The following SLC22A14 variants were observed in gnomAD, a reference collection of about 807,000 sequenced individuals.
The protein encoded by SLC22A14 is solute carrier family 22 member 14.
Under a neutral mutation model 53.9 loss-of-function variants are expected in SLC22A14, and 50 were observed. That is an observed-to-expected ratio of 0.93 (90% CI 0.74 to 1.17). The LOEUF is 1.17. Among genes scored for constraint, SLC22A14 ranks in the 50% most tolerant of loss-of-function variants. The pLI is 0.00. For missense variants in SLC22A14, 671 were observed against 734.7 expected (o/e 0.91, Z 1.00); for synonymous variants, 312 against 303.0 (o/e 1.03, Z -0.31).
At chr3:38,314,945 G>C (rs752561222) in intron 8 of SLC22A14, among the ~76,000 whole-genome samples, 1 of 152,268 alleles carries the variant, frequency 6.6e-6, no homozygotes, top group Admixed American at 6.5e-5. Flanking sequence ...GGACTGGAAT[G>C]GGAGTAAGGC....
In SLC22A14 at chr3:38,315,699, C is replaced by T. The variant is rs768709295; in HGVS notation, c.1520C>T (p.Pro507Leu). The change falls in exon 9 of 11, where the codon CCC becomes CTC. Residue 507 changes from proline (P) to leucine (L), a missense_variant. Transcript: ENST00000448498. The part of the protein sequence containing the change: ...VFFLYTAELL[P>L]TVLRATGLGL... ...TTCCTCTACACCGCTGAGCTCCTCC[C>T]CACTGTGCTCAGGTATGGGGTCTGG... 2 of 1,613,762 alleles carry T rather than the reference C, an allele frequency of 1.2e-6. No individual in the cohort carries two copies. Among genetic ancestry groups the T allele is most frequent in the South Asian group, 2.2e-5 (2 of 91,080 alleles).
At chr3:38,283,516 G>A (rs1164863663) in intron 1 of SLC22A14, among the ~76,000 whole-genome samples, 1 of 152,130 alleles carries the variant, frequency 6.6e-6, no homozygotes, top group Non-Finnish European at 1.5e-5. Flanking sequence ...GCTCTGCTGG[G>A]CCTCCTGCAT....
chr3:38,315,486 G>A (rs1315395905), intron 8 of SLC22A14, 72 bp from the exon 9 acceptor site: 16 of 1,490,314 alleles, frequency 1.1e-5, no homozygotes, highest in Middle Eastern at 2.1e-4. Context: ...AGGTGGTGGG[G>A]AAGGCTGTTC....
intron 1 of SLC22A14, among the ~76,000 whole-genome samples, chr3:38,295,795 T>C (rs1704023070): frequency 6.6e-6 from 1 of 151,684 alleles, no homozygotes; most frequent in Non-Finnish European, 1.5e-5. Flanking sequence ...TGTCTCTCTC[T>C]CTGTCTGTCT....
At chr3:38,306,618 G>C in intron 2 of SLC22A14, 76 bp downstream of exon 2, 1 of 1,412,876 alleles carries the variant, frequency 7.1e-7, no homozygotes, top group Middle Eastern at 1.8e-4. Context: ...TGAATGGGTG[G>C]GGAAACCGAA....
chr3:38,279,793 C>CT (rs1162654019), upstream of SLC22A14, among the ~76,000 whole-genome samples: 46 of 152,230 alleles, frequency 3.0e-4, no homozygotes, highest in Middle Eastern at 3.4e-3. Flanking sequence ...GGTTGTGTAT[C>CT]TCCTTGATTT....
At chr3:38,304,839 T>C (rs1208396472) in intron 1 of SLC22A14, among the ~76,000 whole-genome samples, 1 of 152,248 alleles carries the variant, frequency 6.6e-6, no homozygotes, top group African/African-American at 2.4e-5. Context: ...TTAAAAGTTT[T>C]AGAAAACGTA....
intron 5 of SLC22A14, among the ~76,000 whole-genome samples, chr3:38,312,462 C>G (rs533942509): frequency 1.3e-5 from 2 of 152,136 alleles, no homozygotes; most frequent in Admixed American, 1.3e-4. Flanking sequence ...AGAGATGTGG[C>G]GGGGGAGAGA....
intron 1 of SLC22A14, among the ~76,000 whole-genome samples, chr3:38,298,074 T>C (rs1704078928): frequency 6.6e-6 from 1 of 152,202 alleles, no homozygotes; most frequent in South Asian, 2.1e-4. Flanking sequence ...TATATTATTA[T>C]GGACTCATAT....
intron 8 of SLC22A14, among the ~76,000 whole-genome samples, chr3:38,315,200 C>G (rs1316226742): frequency 6.6e-6 from 1 of 152,264 alleles, no homozygotes; most frequent in Non-Finnish European, 1.5e-5. Context: ...TCCCAACCCA[C>G]AGGACACAGG....
intron 1 of SLC22A14, among the ~76,000 whole-genome samples, chr3:38,302,277 TAC>T (rs1289540209): frequency 2.7e-5 from 4 of 146,792 alleles, no homozygotes; most frequent in African/African-American, 9.9e-5. Flanking sequence ...TATTTATATA[TAC>T]ACATATATAT....
intron 10 of SLC22A14, among the ~76,000 whole-genome samples, chr3:38,317,178 G>A (rs1321515358): frequency 2.6e-5 from 4 of 152,214 alleles, no homozygotes; most frequent in African/African-American, 4.8e-5. Context: ...GAGGTTGCCC[G>A]AGGCCCTAGA....
At chr3:38,300,156 A>G (rs1233351501) in intron 1 of SLC22A14, among the ~76,000 whole-genome samples, 1 of 152,162 alleles carries the variant, frequency 6.6e-6, no homozygotes, top group Non-Finnish European at 1.5e-5. Context: ...AAATTGTTCC[A>G]AGGCCAGGTG....
At chr3:38,294,212 C>T (rs866537304) in intron 1 of SLC22A14, among the ~76,000 whole-genome samples, 19 of 137,170 alleles carry the variant, frequency 1.4e-4, no homozygotes, top group South Asian at 2.4e-4. Flanking sequence ...GGGAAGGAGT[C>T]GGGGGGACAC....
At chr3:38,316,628 G>T in intron 10 of SLC22A14, 104 bp downstream of exon 10, 1 of 1,052,924 alleles carries the variant, frequency 9.5e-7, no homozygotes, top group Non-Finnish European at 1.4e-6. Context: ...CTCTGCCGGA[G>T]AGCCTGTGAC....
chr3:38,306,263 G>A lies in SLC22A14; in HGVS notation c.237G>A (p.Met79Ile). ...CCCTCACCTTTATCCCCAGCATCATGTCGGCCTTCTTCATGTTTGCTGACC... is the reference window on the plus strand; with the variant it reads ...CCCTCACCTTTATCCCCAGCATCATATCGGCCTTCTTCATGTTTGCTGACC... Reference protein sequence around the residue: ...LVALTFIPSIMSAFFMFADHF... With the variant: ...LVALTFIPSIISAFFMFADHF... Residue 79 changes from methionine to isoleucine, a missense_variant, in exon 2 of 11, where the codon ATG becomes ATA. By Grantham distance (10) the Met-to-Ile change is conservative. Transcript: ENST00000448498. 6.2e-7 allele frequency: 1 copy of A among 1,614,166 alleles called. No homozygotes were observed. Among genetic ancestry groups the A allele is most frequent in the Non-Finnish European group, 8.5e-7 (1 of 1,180,030 alleles).
At chr3:38,291,943 T>G (rs1703922233) in intron 1 of SLC22A14, among the ~76,000 whole-genome samples, 1 of 152,212 alleles carries the variant, frequency 6.6e-6, no homozygotes, top group African/African-American at 2.4e-5. Flanking sequence ...TTTAGGGTTT[T>G]GGGATGAGGA....
intron 1 of SLC22A14, among the ~76,000 whole-genome samples, chr3:38,301,662 C>T (rs1196353975): frequency 6.6e-6 from 1 of 151,916 alleles, no homozygotes; most frequent in Non-Finnish European, 1.5e-5. Context: ...CTAGGGCCAC[C>T]AGTATAATGT....
chr3:38,305,971 C>T, intron 1 of SLC22A14, 56 bp from the exon 2 acceptor site: 1 of 1,543,626 alleles, frequency 6.5e-7, no homozygotes, highest in African/African-American at 1.4e-5. Flanking sequence ...ATGCTGGTCT[C>T]TGATGTTTAG....
Sources: allele counts gnomAD v4.1 joint callset (sites outside exome capture counted in the v4.1 genomes callset), GRCh38; gene constraint gnomAD v4.1.1; transcripts MANE v1.5; gene names NCBI Gene and HGNC (gene_info 2026-07-23, HGNC 2026-07-21).